CCSER1: variants seen among roughly 807,000 people sequenced by gnomAD.
CCSER1 encodes serine-rich coiled-coil domain-containing protein 1.
In CCSER1, 41 loss-of-function variants were observed where a neutral mutation model predicts 82.0. That is an observed-to-expected ratio of 0.50 (90% CI 0.39 to 0.65). The LOEUF (loss-of-function observed/expected upper bound fraction) is 0.65, where lower values mean the gene tolerates loss of function less well. CCSER1 is among the 30% of genes least tolerant of loss of function. CCSER1 has a pLI of 0.00. For missense variants in CCSER1, 1,119 were observed against 1,064.2 expected (o/e 1.05, Z -0.72); for synonymous variants, 414 against 383.9 (o/e 1.08, Z -0.92).
At chr4:91,500,696 TCAAA>T (rs1454453467) in intron 10 of CCSER1, among the ~76,000 whole-genome samples, 3 of 152,126 alleles carry the variant, frequency 2.0e-5, no homozygotes, top group Non-Finnish European at 1.5e-5. Flanking sequence ...GGAAACTTAC[TCAAA>T]CATTTTGTGC....
rs1248777383 is a variant in CCSER1 at position 90,855,332 on chromosome 4, G to A, written c.2094+39487G>A. Among the ~76,000 whole-genome samples, 3 of 152,060 alleles carry A rather than the reference G, an allele frequency of 2.0e-5. No homozygotes were observed. In the East Asian group the frequency reaches 5.8e-4, roughly 29 times the overall value. ...CTAGGGATCTAGAAAACAGAGGTAG[G>A]GAGCCTCAGTACTATTTGCTCAATC... On this transcript the variant is annotated intron_variant, in intron 8 of 10. Coordinates refer to ENST00000509176, the MANE Select transcript of CCSER1 (RefSeq NM_001145065.2).
At chr4:90,184,440 G>A (rs1033526740) in intron 1 of CCSER1, among the ~76,000 whole-genome samples, 2 of 152,000 alleles carry the variant, frequency 1.3e-5, no homozygotes, top group African/African-American at 2.4e-5. Flanking sequence ...GTTGTACCTA[G>A]GTGTCCATTA....
rs1578620797 is a variant in CCSER1, at chr4:90,229,311, A to G, written c.-41-78933A>G. ...ACAAGCCAGAAGAGAGTGGGGGCCAATATTCAACATTCTTAAAGAAAAGAA... is the reference window on the plus strand; with the variant it reads ...ACAAGCCAGAAGAGAGTGGGGGCCAGTATTCAACATTCTTAAAGAAAAGAA... On this transcript the variant is annotated intron_variant, in intron 1 of 10. Coordinates refer to ENST00000509176, the MANE Select transcript of CCSER1 (RefSeq NM_001145065.2). Among the ~76,000 whole-genome samples, 4 of 152,342 alleles carry G rather than the reference A, an allele frequency of 2.6e-5. 1 individual carries two copies. Among genetic ancestry groups the G allele is most frequent in the African/African-American group, 9.6e-5 (4 of 41,582 alleles).
Position 91,479,175 on chromosome 4 carries a change from CT to C in CCSER1, c.2218-119386del, listed in dbSNP as rs572030783. On this transcript the variant is annotated intron_variant, in intron 10 of 10. Coordinates refer to ENST00000509176, the MANE Select transcript of CCSER1 (RefSeq NM_001145065.2). ...AAACATTTTGTTGAATATTTTCTTTCTTTTTTTTTTTAGAATAAAATTAACT... is the reference window on the plus strand; with the variant it reads ...AAACATTTTGTTGAATATTTTCTTTCTTTTTTTTTTAGAATAAAATTAACT... Among the ~76,000 whole-genome samples, 226 of 141,924 alleles carry C rather than the reference CT, an allele frequency of 1.6e-3. 2 individuals are homozygous for C. The highest frequency in any genetic ancestry group is 2.9e-3 in the South Asian group (13 of 4,444). 93.1% of individuals were successfully genotyped at this position (141,924 alleles called of 152,430 possible). A position where few individuals can be genotyped will look rare whatever the true frequency, so the allele number is the denominator to read the frequency against.
At chr4:90,484,265 C>A (rs1165734734) in intron 5 of CCSER1, among the ~76,000 whole-genome samples, 2 of 152,026 alleles carry the variant, frequency 1.3e-5, no homozygotes, top group Admixed American at 1.3e-4. Context: ...TTCTAGTTAT[C>A]CATTCATCTA....
chr4:91,359,763 G>T (rs879291213), intron 10 of CCSER1, among the ~76,000 whole-genome samples: 1 of 151,724 alleles, frequency 6.6e-6, no homozygotes, highest in Non-Finnish European at 1.5e-5. Flanking sequence ...ATGATGCTGA[G>T]TATTGGTGCA....
chr4:91,005,461 G>C (rs904378395), intron 9 of CCSER1, among the ~76,000 whole-genome samples: 2 of 151,910 alleles, frequency 1.3e-5, no homozygotes, highest in African/African-American at 4.8e-5. Context: ...TTCATGAGAA[G>C]GGAATCAATC....
rs150306865 is a variant in CCSER1, at chr4:90,517,685, G to T, written c.1724+49331G>T. Among the ~76,000 whole-genome samples, 3 of 152,164 alleles carry T rather than the reference G, an allele frequency of 2.0e-5. No homozygotes were observed. In the East Asian group the frequency reaches 5.8e-4, roughly 29 times the overall value. ...CATTTAAGCTAAGAGTGCATTGAGG[G>T]ACTAGAAAGAAGAAACGACTAAACC... On this transcript the variant is annotated intron_variant, in intron 5 of 10. Transcript: ENST00000509176.
chr4:90,881,365 C>T (rs1687429326), intron 8 of CCSER1, among the ~76,000 whole-genome samples: 1 of 151,970 alleles, frequency 6.6e-6, no homozygotes, highest in Non-Finnish European at 1.5e-5. Flanking sequence ...AACTAGAAAA[C>T]AGTAATTCAC....
chr4:90,140,724 G>A (rs1433263398), intron 1 of CCSER1, among the ~76,000 whole-genome samples: 1 of 136,870 alleles, frequency 7.3e-6, no homozygotes, highest in Non-Finnish European at 1.5e-5. Context: ...GAGTGCTGTG[G>A]TGCGATCTTG....
intron 10 of CCSER1, among the ~76,000 whole-genome samples, chr4:91,553,558 CCTTA>C (rs1278731817): frequency 9.5e-6 from 1 of 105,742 alleles, no homozygotes; most frequent in African/African-American, 4.2e-5. Context: ...GATTCAATCT[CCTTA>C]CTTACGGGAA....
chr4:91,438,825 G>A (rs987583637), intron 10 of CCSER1, among the ~76,000 whole-genome samples: 17 of 152,310 alleles, frequency 1.1e-4, no homozygotes, highest in African/African-American at 2.9e-4. Flanking sequence ...CGAGAACTAC[G>A]TGAAGAATGC....
chr4:91,064,582 A>ACT (rs576813485), intron 9 of CCSER1, among the ~76,000 whole-genome samples: 4 of 152,186 alleles, frequency 2.6e-5, no homozygotes, highest in Non-Finnish European at 5.9e-5. Flanking sequence ...TCATGCAGGC[A>ACT]CTCTCTGCCT....
intron 10 of CCSER1, among the ~76,000 whole-genome samples, chr4:91,266,031 G>T (rs1272061050): frequency 6.6e-6 from 1 of 152,046 alleles, no homozygotes; most frequent in East Asian, 1.9e-4. Context: ...GATCTTATGA[G>T]ATTTATTCAC....
chr4:91,526,214 G>T (rs1302325763), intron 10 of CCSER1, among the ~76,000 whole-genome samples: 1 of 152,046 alleles, frequency 6.6e-6, no homozygotes, highest in Non-Finnish European at 1.5e-5. Context: ...ATAAAACTTT[G>T]GTCTCCATGA....
At chr4:91,467,760 A>G (rs1757008890) in intron 10 of CCSER1, among the ~76,000 whole-genome samples, 1 of 152,220 alleles carries the variant, frequency 6.6e-6, no homozygotes, top group Non-Finnish European at 1.5e-5. Context: ...CATGCTCATC[A>G]TCACTGGCCA....
At chr4:90,428,717 A>G (rs1288995050) in intron 4 of CCSER1, among the ~76,000 whole-genome samples, 1 of 151,882 alleles carries the variant, frequency 6.6e-6, no homozygotes, top group African/African-American at 2.4e-5. Context: ...TTCTCTTATA[A>G]GTGAAACCAC....
chr4:90,400,842 A>G (rs1561168988), intron 4 of CCSER1, among the ~76,000 whole-genome samples: 1 of 152,146 alleles, frequency 6.6e-6, no homozygotes, highest in African/African-American at 2.4e-5. Context: ...TTTACACTTA[A>G]TTTTTTTGTT....
At chr4:91,140,558 A>C (rs1482078627) in intron 10 of CCSER1, among the ~76,000 whole-genome samples, 2 of 152,146 alleles carry the variant, frequency 1.3e-5, no homozygotes, top group African/African-American at 4.8e-5. Flanking sequence ...GGAATTCAAG[A>C]AAGTATTAAT....
Sources: gnomAD v4.1 joint callset for allele counts (sites outside exome capture counted in the v4.1 genomes callset) on GRCh38, gnomAD v4.1.1 for gene constraint, MANE v1.5 for transcripts, NCBI Gene and HGNC (gene_info 2026-07-23, HGNC 2026-07-21) for gene names.